Variants in UBE2O observed in about 807,000 individuals in gnomAD.
UBE2O encodes ubiquitin conjugating enzyme E2 O.
A neutral mutation model predicts 125.8 loss-of-function variants in UBE2O; 15 were observed. The ratio of observed to expected loss-of-function variants is 0.12; its 90% CI spans 0.08 to 0.18. The LOEUF is 0.18. Ranked by LOEUF, UBE2O falls within the 10% of genes least tolerant of loss-of-function variation. The probability of loss-of-function intolerance (pLI) is 1.00; values close to 1 mark genes in which losing one functional copy is unlikely to be tolerated. For synonymous variants in UBE2O, 708 were observed against 703.2 expected (o/e 1.01, Z -0.11); for missense variants, 1,280 against 1,723.6 (o/e 0.74, Z 4.56).
At position 76,400,146 on chromosome 17, in the gene UBE2O, C is replaced by G. The variant is rs1270230970; in HGVS notation, c.1155+1G>C. Reference sequence around the variant, plus strand: ...ACCAATCCCCAACCCCAAGGACATACCTTCTTGGCCATAGAGCCCTCCCCC... The same window carrying G: ...ACCAATCCCCAACCCCAAGGACATAGCTTCTTGGCCATAGAGCCCTCCCCC... On this transcript the variant is annotated splice_donor_variant, in intron 8 of 17. Transcript: ENST00000319380. LOFTEE classifies it high-confidence loss of function. This position sits in a 1 kb window ranked among gnomAD's most constrained non-coding sequence, Gnocchi z 4.3. 3.1e-6 allele frequency: 5 copies of G among 1,613,328 alleles called. No homozygotes were observed. The highest frequency in any genetic ancestry group is 4.2e-6 in the Non-Finnish European group (5 of 1,179,576).
chr17:76,419,887 A>C (rs1174193816), intron 1 of UBE2O, among the ~76,000 whole-genome samples: 2 of 152,206 alleles, frequency 1.3e-5, no homozygotes, highest in Non-Finnish European at 2.9e-5. Flanking sequence ...CTGAGAAAGA[A>C]GCATGCCGGC....
intron 1 of UBE2O, among the ~76,000 whole-genome samples, chr17:76,416,838 A>T (rs2072625009): frequency 6.6e-6 from 1 of 152,202 alleles, no homozygotes; most frequent in Non-Finnish European, 1.5e-5. Flanking sequence ...GGACAGTGAA[A>T]CAGGACTCAA....
intron 1 of UBE2O, among the ~76,000 whole-genome samples, chr17:76,446,508 A>G (rs1454494534): frequency 6.6e-6 from 1 of 152,204 alleles, no homozygotes; most frequent in Non-Finnish European, 1.5e-5. Context: ...CAGGGATAAA[A>G]GTGAAGTAGA....
chr17:76,409,250 G>A (rs1368318294), intron 1 of UBE2O, among the ~76,000 whole-genome samples: 1 of 152,168 alleles, frequency 6.6e-6, no homozygotes, highest in Non-Finnish European at 1.5e-5. Flanking sequence ...TTACAGGCGT[G>A]AGCCACCGCG....
chr17:76,399,936 CAG>C lies in UBE2O; in HGVS notation c.1156-17_1156-16del, dbSNP rs1232924543. On this transcript the variant is annotated splice_polypyrimidine_tract_variant and intron_variant, in intron 8 of 17. Coordinates refer to ENST00000319380, the MANE Select transcript of UBE2O (RefSeq NM_022066.4). This position sits in a 1 kb window ranked among gnomAD's most constrained non-coding sequence, Gnocchi z 6.9. ...AGGCGCTTCACCTGCAAGGGCGGAG[CAG>C]AGAGGACAGGGCTGTGAGGTGCACC... The C allele has an allele frequency of 3.2e-6, 5 of 1,586,610 alleles. No individual in the cohort carries two copies. Among genetic ancestry groups the C allele is most frequent in the Non-Finnish European group, 4.3e-6 (5 of 1,166,724 alleles).
chr17:76,407,305 T>G (rs2072440835), intron 1 of UBE2O, among the ~76,000 whole-genome samples: 1 of 152,200 alleles, frequency 6.6e-6, no homozygotes, highest in Non-Finnish European at 1.5e-5. Context: ...TGGAGAGGCA[T>G]GCTGGCGTGA....
chr17:76,440,155 A>G (rs2073055576), intron 1 of UBE2O, among the ~76,000 whole-genome samples: 1 of 152,206 alleles, frequency 6.6e-6, no homozygotes, highest in South Asian at 2.1e-4. Context: ...GATCACAGCG[A>G]TGGTTCTCTC....
In UBE2O at chr17:76,395,536, G is replaced by A; in HGVS notation, c.2946+189C>T. 1.6e-6 allele frequency: 1 copy of A among 629,684 alleles called. No homozygotes were observed. The highest frequency in any genetic ancestry group is 2.7e-6 in the Non-Finnish European group (1 of 369,760). 39.0% of individuals were successfully genotyped at this position (629,684 alleles called of 1,614,324 possible). A position where few individuals can be genotyped will look rare whatever the true frequency, so the allele number is the denominator to read the frequency against. On this transcript the variant is annotated intron_variant, in intron 15 of 17. Coordinates refer to ENST00000319380, the MANE Select transcript of UBE2O (RefSeq NM_022066.4). This position sits in a 1 kb window ranked among gnomAD's most constrained non-coding sequence, Gnocchi z 5.0. ...GGAGGGAGGAAAGAAAGAACCATCT[G>A]GCCTGGACACACGGCTGAGTCAGCC...
chr17:76,416,252 A>ATATGTGTGTGTGTGTGTGTGTG (rs1369196353), intron 1 of UBE2O, among the ~76,000 whole-genome samples: 11 of 150,342 alleles, frequency 7.3e-5, no homozygotes, highest in African/African-American at 2.4e-4. Context: ...GTGTATATGT[A>ATATGTGTGTGTGTGTGTGTGTG]TGTATATGTA....
At chr17:76,392,755 G>A (rs192642844) in intron 15 of UBE2O, among the ~76,000 whole-genome samples, 4 of 151,766 alleles carry the variant, frequency 2.6e-5, no homozygotes, top group Admixed American at 1.3e-4. Context: ...GAGTTCAAGA[G>A]CAGTCTGGCC....
chr17:76,406,117 T>G (rs984651505), intron 1 of UBE2O, among the ~76,000 whole-genome samples: 4 of 152,210 alleles, frequency 2.6e-5, no homozygotes, highest in African/African-American at 9.6e-5. Context: ...GGCCTGCACC[T>G]TATCTGCTGC....
At chr17:76,449,327 C>A (rs2073198206) in intron 1 of UBE2O, among the ~76,000 whole-genome samples, 1 of 152,250 alleles carries the variant, frequency 6.6e-6, no homozygotes, top group African/African-American at 2.4e-5. Flanking sequence ...GTAATTCCAG[C>A]ACTTGGGGAG....
rs768695007 is a variant in UBE2O, at chr17:76,398,879, T to C, written c.1741A>G (p.Asn581Asp). 1 of 1,614,118 alleles carries C rather than the reference T, an allele frequency of 6.2e-7. No homozygotes were observed. ...NDLFPVHHLD[N>D]NEFCPGDFVV... ...AAGTCTCCAGGGCAGAACTCGTTGT[T>C]GTCCAGGTGGTGCACAGGGAAGAGG... Residue 581 changes from asparagine (N) to aspartate (D), a missense_variant, in exon 10 of 18, where the codon AAC becomes GAC. Coordinates refer to ENST00000319380, the MANE Select transcript of UBE2O (RefSeq NM_022066.4). This position sits in a 1 kb window ranked among gnomAD's most constrained non-coding sequence, Gnocchi z 5.4.
At chr17:76,443,561 T>C (rs2073108512) in intron 1 of UBE2O, among the ~76,000 whole-genome samples, 2 of 151,910 alleles carry the variant, frequency 1.3e-5, no homozygotes, top group South Asian at 4.2e-4. Context: ...AATGCTGGGA[T>C]TACAGGCGTG....
intron 1 of UBE2O, among the ~76,000 whole-genome samples, chr17:76,432,371 T>C (rs1290172011): frequency 6.6e-6 from 1 of 152,178 alleles, no homozygotes; most frequent in African/African-American, 2.4e-5. Context: ...AAATAGATTG[T>C]ATGGTCTCCG....
chr17:76,415,940 CGT>C (rs2072598890), intron 1 of UBE2O, among the ~76,000 whole-genome samples: 2 of 133,628 alleles, frequency 1.5e-5, no homozygotes, highest in African/African-American at 5.0e-5. Context: ...TATACGTATG[CGT>C]ATACATATGC....
chr17:76,410,768 TC>T lies in UBE2O; in HGVS notation c.418-5197del, dbSNP rs11329304. Among the ~76,000 whole-genome samples, 152,232 of 152,232 alleles carry T rather than the reference TC, an allele frequency of 1. 76,116 individuals carry two copies. Among genetic ancestry groups the T allele is most frequent in the Non-Finnish European group, 1 (68,026 of 68,026 alleles). The stretch of plus-strand genomic sequence containing the variant: ...GGGGCCTCTCCTGCCAGGAGCACTC[TC>T]CCTCCACGGCTGCCTGACTCCCAAG... On this transcript the variant is annotated intron_variant, in intron 1 of 17. Transcript: ENST00000319380. The surrounding 1 kb of genome is among the most constrained non-coding windows in gnomAD (Gnocchi z 4.0).
chr17:76,392,007 T>TG lies in UBE2O; in HGVS notation c.3052dup (p.His1018ProfsTer18), dbSNP rs765371406. 10 of 1,595,894 alleles carry TG rather than the reference T, an allele frequency of 6.3e-6. No homozygotes were observed. Among genetic ancestry groups the TG allele is most frequent in the Admixed American group, 1.8e-5 (1 of 55,778 alleles). On this transcript the variant is annotated frameshift_variant, in exon 16 of 18. Transcript: ENST00000319380. LOFTEE classifies it high-confidence loss of function. ...ACTGCATTGGGAGAGGTAGCAGAAG[T>TG]GGGGGGGCACGGCTGGGTAGATGTT...
At chr17:76,393,789 C>T (rs897537228) in intron 15 of UBE2O, among the ~76,000 whole-genome samples, 5 of 152,058 alleles carry the variant, frequency 3.3e-5, no homozygotes, top group South Asian at 2.1e-4. Context: ...TGCACACACG[C>T]GTGTGTGTGG....
Sources: allele counts gnomAD v4.1 joint callset (sites outside exome capture counted in the v4.1 genomes callset), GRCh38; gene constraint gnomAD v4.1.1; non-coding constraint Gnocchi (gnomAD v3.1); transcripts MANE v1.5; gene names NCBI Gene and HGNC (gene_info 2026-07-23, HGNC 2026-07-21).